Variants in RBFOX2 observed in about 807,000 individuals in gnomAD.
RBFOX2 encodes RNA binding protein fox-1 homolog 2.
In RBFOX2, 10 loss-of-function variants were observed where a neutral mutation model predicts 49.1. The ratio of observed to expected loss-of-function variants is 0.20; its 90% CI spans 0.13 to 0.35. RBFOX2 has a LOEUF of 0.35. Among genes scored for constraint, RBFOX2 ranks in the 10% least tolerant of loss-of-function variants. The probability of loss-of-function intolerance (pLI) is 1.00; values close to 1 mark genes in which losing one functional copy is unlikely to be tolerated. For missense variants in RBFOX2, 323 were observed against 486.9 expected, an observed-to-expected ratio of 0.66 and a Z score of 3.17; for synonymous variants, 183 against 187.4, an observed-to-expected ratio of 0.98 and a Z score of 0.19.
intron 1 of RBFOX2, among the ~76,000 whole-genome samples, chr22:35,835,724 A>G (rs1957540834): frequency 6.6e-6 from 1 of 152,220 alleles, no homozygotes; most frequent in Non-Finnish European, 1.5e-5. Flanking sequence ...TTAGGGGGTG[A>G]CTAAGACGGA....
chr22:35,907,688 C>T (rs1376159642), intron 1 of RBFOX2, among the ~76,000 whole-genome samples: 2 of 152,000 alleles, frequency 1.3e-5, no homozygotes, highest in Admixed American at 6.6e-5. Flanking sequence ...CGCTCCGTCG[C>T]GCAGGCTGGA....
At chr22:35,970,133 G>A (rs928887701) in intron 1 of RBFOX2, among the ~76,000 whole-genome samples, 5 of 152,128 alleles carry the variant, frequency 3.3e-5, no homozygotes, top group African/African-American at 7.2e-5. Context: ...ATTCTCCGTC[G>A]GTTGCAATGC....
chr22:35,961,476 C>T (rs2056200461), intron 1 of RBFOX2: 1 of 1,273,528 alleles, frequency 7.9e-7, no homozygotes, highest in Non-Finnish European at 1.0e-6. Flanking sequence ...TCTGCTTGAA[C>T]TGGACTCCCC....
At chr22:35,979,901 A>G (rs1345979663) in intron 1 of RBFOX2, among the ~76,000 whole-genome samples, 2 of 152,216 alleles carry the variant, frequency 1.3e-5, no homozygotes, top group African/African-American at 4.8e-5. Context: ...ACCTCATTCG[A>G]CAAATAGGTA....
upstream of RBFOX2, among the ~76,000 whole-genome samples, chr22:35,844,660 GTT>G (rs557706176): frequency 6.1e-5 from 7 of 114,206 alleles, no homozygotes; most frequent in Admixed American, 8.9e-5. Context: ...ATGCCCGGCA[GTT>G]TTTTTTTTTT....
chr22:36,005,217 C>T (rs921992780), intron 1 of RBFOX2, among the ~76,000 whole-genome samples: 12 of 152,150 alleles, frequency 7.9e-5, no homozygotes, highest in African/African-American at 2.9e-4. Flanking sequence ...GTCAACATGC[C>T]TCCCTAGTTT....
chr22:35,831,941 A>G (rs1241019710), intron 1 of RBFOX2, among the ~76,000 whole-genome samples: 1 of 152,228 alleles, frequency 6.6e-6, no homozygotes, highest in Non-Finnish European at 1.5e-5. Flanking sequence ...GATTCCTGCC[A>G]ATCAGCTGAG....
intron 5 of RBFOX2, among the ~76,000 whole-genome samples, chr22:35,767,415 A>G (rs1261630992): frequency 1.3e-5 from 2 of 152,178 alleles, no homozygotes; most frequent in African/African-American, 2.4e-5. Context: ...CCATGGAAAG[A>G]GTGAGTCAAG....
intron 1 of RBFOX2, among the ~76,000 whole-genome samples, chr22:35,863,406 A>G (rs1330950200): frequency 6.6e-6 from 1 of 152,196 alleles, no homozygotes; most frequent in African/African-American, 2.4e-5. Context: ...TCTCTTTAAC[A>G]GTACCGAAAA....
chr22:35,881,550 C>A (rs1323187111), intron 1 of RBFOX2, among the ~76,000 whole-genome samples: 1 of 151,670 alleles, frequency 6.6e-6, no homozygotes, highest in Non-Finnish European at 1.5e-5. Flanking sequence ...CCACTGCACT[C>A]CAGCCTGGGC....
At chr22:35,745,880 G>GAATGA (rs752168603) in intron 11 of RBFOX2, 43 bp downstream of exon 13, 1 of 1,546,854 alleles carries the variant, frequency 6.5e-7, no homozygotes, top group South Asian at 1.1e-5. Flanking sequence ...GTAAAAGAAG[G>GAATGA]AATGAAATGG....
chr22:35,785,718 G>C (rs962857411), intron 2 of RBFOX2, among the ~76,000 whole-genome samples: 1 of 152,212 alleles, frequency 6.6e-6, no homozygotes, highest in African/African-American at 2.4e-5. Flanking sequence ...TGGCTTAAAT[G>C]TGCAATGATT....
chr22:36,028,367 C>A, exon 1 of RBFOX2: 1 of 1,381,274 alleles, frequency 7.2e-7, no homozygotes, highest in Non-Finnish European at 9.4e-7. Flanking sequence ...CTTCATGCCC[C>A]GGGCGGCGGC....
At chr22:35,996,694 A>AG (rs1028201694) in intron 1 of RBFOX2, 24 of 152,270 alleles carry the variant, frequency 1.6e-4, no homozygotes, top group Admixed American at 1.4e-3. Context: ...TCTTAAAAAG[A>AG]GAAAAAAAAG....
intron 1 of RBFOX2, among the ~76,000 whole-genome samples, chr22:35,951,514 G>T (rs536990107): frequency 1.3e-5 from 2 of 152,190 alleles, no homozygotes; most frequent in East Asian, 1.9e-4. Context: ...CAAAGTGCTG[G>T]GATTACAGGC....
intron 2 of RBFOX2, among the ~76,000 whole-genome samples, chr22:35,787,525 T>C (rs1462429573): frequency 2.0e-5 from 3 of 152,220 alleles, no homozygotes; most frequent in Non-Finnish European, 2.9e-5. Flanking sequence ...ATAGAAAATA[T>C]TGGTCATACT....
intron 2 of RBFOX2, among the ~76,000 whole-genome samples, chr22:35,789,937 C>T (rs1233077895): frequency 6.6e-6 from 1 of 152,060 alleles, no homozygotes; most frequent in Non-Finnish European, 1.5e-5. Flanking sequence ...GGAGTGGAGG[C>T]TTGGGGGACT....
At chr22:35,966,351 T>C (rs2056558577), upstream of RBFOX2, among the ~76,000 whole-genome samples, 1 of 152,186 alleles carries the variant, frequency 6.6e-6, no homozygotes, top group South Asian at 2.1e-4. Flanking sequence ...TGGGTATGCC[T>C]AGGAGTGGAA....
chr22:36,026,856 T>C (rs916333), intron 1 of RBFOX2, among the ~76,000 whole-genome samples: 45,124 of 152,092 alleles, frequency 0.3, 12,577 homozygotes, highest in African/African-American at 0.74. Flanking sequence ...ACAACAAACA[T>C]GCTAGGCTTA....
Sources: allele counts gnomAD v4.1 joint callset (sites outside exome capture counted in the v4.1 genomes callset), GRCh38; gene constraint gnomAD v4.1.1; transcripts MANE v1.5; gene names NCBI Gene and HGNC (gene_info 2026-07-23, HGNC 2026-07-21).